ARFGAP2: variants seen among roughly 807,000 people sequenced by gnomAD.
ARFGAP2 encodes ARF GTPase activating protein 2, also known as ADP-ribosylation factor GTPase-activating protein 2.
In ARFGAP2, 45 loss-of-function variants were observed where a neutral mutation model predicts 71.9. The ratio of observed to expected loss-of-function variants is 0.63; its 90% CI spans 0.49 to 0.80. The LOEUF (loss-of-function observed/expected upper bound fraction) is 0.80, where lower values mean the gene tolerates loss of function less well. ARFGAP2 is among the 30% of genes least tolerant of loss of function. The probability of loss-of-function intolerance (pLI) is 0.00; values close to 1 mark genes in which losing one functional copy is unlikely to be tolerated. For missense variants in ARFGAP2, 633 were observed against 673.9 expected (o/e 0.94, Z 0.67); for synonymous variants, 248 against 249.2 (o/e 1.00, Z 0.05).
At position 47,172,202 on chromosome 11, in the gene ARFGAP2, G is replaced by A. The variant is rs564428301; in HGVS notation, c.672+79C>T. 2.0e-5 allele frequency: 28 copies of A among 1,387,388 alleles called. 2 individuals carry two copies. In the South Asian group the frequency reaches 3.2e-4, roughly 16 times the overall value. 85.9% of individuals were successfully genotyped at this position (1,387,388 alleles called of 1,614,324 possible). A position where few individuals can be genotyped will look rare whatever the true frequency, so the allele number is the denominator to read the frequency against. On this transcript the variant is annotated intron_variant, in intron 8 of 15. Transcript: ENST00000524782. ...TTTGCCAAAGTCATATAGCTGGTAA[G>A]TGGTAAGGTCAAGGAGTGAACCCAG...
At chr11:47,174,841 TTA>T (rs1423945210) in intron 5 of ARFGAP2, 172 bp downstream of exon 5, 1 of 700,222 alleles carries the variant, frequency 1.4e-6, no homozygotes, top group Non-Finnish European at 2.5e-6. Flanking sequence ...GCACCTCCAT[TTA>T]TGGAGGAGGA....
chr11:47,166,415 G>A (rs1430322853), intron 14 of ARFGAP2, 29 bp from the exon 15 acceptor site: 5 of 1,612,318 alleles, frequency 3.1e-6, no homozygotes, highest in Non-Finnish European at 4.2e-6. Context: ...GTGACCCAGA[G>A]CCCAGCAAGA....
intron 15 of ARFGAP2, among the ~76,000 whole-genome samples, chr11:47,165,861 T>C (rs980060474): frequency 7.7e-4 from 117 of 151,842 alleles, no homozygotes; most frequent in African/African-American, 2.4e-3. Context: ...CTCTAGACTC[T>C]TGCTTTTTCG....
chr11:47,175,771 G>A (rs1490620356), intron 3 of ARFGAP2, 80 bp downstream of exon 3: 23 of 1,545,698 alleles, frequency 1.5e-5, no homozygotes, highest in East Asian at 2.2e-5. Flanking sequence ...CAGGGAAAAC[G>A]ACAGGGCCTC....
chr11:47,172,746 C>T (rs978934348), intron 7 of ARFGAP2: 9 of 1,293,816 alleles, frequency 7.0e-6, no homozygotes, highest in African/African-American at 1.5e-5. Context: ...GACAGATACA[C>T]GGACTCTGGA....
Position 47,165,465 on chromosome 11 carries a change from G to C in ARFGAP2, c.*17C>G. 6.4e-7 allele frequency: 1 copy of C among 1,570,406 alleles called. No individual in the cohort carries two copies. Among genetic ancestry groups the C allele is most frequent in the Non-Finnish European group, 8.6e-7 (1 of 1,157,532 alleles). ...TTGTTGCCGTCACCATCGTAAGCCT[G>C]AGTCACAGAGCTCGGATCAGTAGGA... On this transcript the variant is annotated 3_prime_UTR_variant, in exon 16 of 16. Transcript: ENST00000524782.
rs775738879 is a variant in ARFGAP2 at position 47,168,130 on chromosome 11, G to T, written c.1063C>A (p.Pro355Thr). 6.2e-7 allele frequency: 1 copy of T among 1,614,246 alleles called. No homozygotes were observed. Among genetic ancestry groups the T allele is most frequent in the Non-Finnish European group, 8.5e-7 (1 of 1,180,046 alleles). The change falls in exon 11 of 16, where the codon CCC (proline) becomes ACC (threonine). Residue 355 changes from proline to threonine, a missense_variant. Coordinates refer to ENST00000524782, the MANE Select transcript of ARFGAP2 (RefSeq NM_032389.6). ...FDDVGTFASG[P>T]PKYKDNPFSL... Reference sequence around the variant, plus strand: ...GCTAGAAAACAGCCTTACTTTGGGGGTCCAGAGGCGAAAGTACCAACATCG... The same window carrying T: ...GCTAGAAAACAGCCTTACTTTGGGGTTCCAGAGGCGAAAGTACCAACATCG...
In ARFGAP2 at chr11:47,176,776, A is replaced by T; in HGVS notation, c.72+6T>A. 6.2e-7 allele frequency: 1 copy of T among 1,614,028 alleles called. No homozygotes were observed. The highest frequency in any genetic ancestry group is 8.5e-7 in the Non-Finnish European group (1 of 1,180,002). On this transcript the variant is annotated splice_donor_region_variant and intron_variant, in intron 1 of 15. Coordinates refer to ENST00000524782, the MANE Select transcript of ARFGAP2 (RefSeq NM_032389.6). Reference sequence around the variant, plus strand: ...GAGAGACTCCGCGCGCCCCCTGCTCACGCACCTTGTTGGTTGGAACTGCGC... The same window carrying T: ...GAGAGACTCCGCGCGCCCCCTGCTCTCGCACCTTGTTGGTTGGAACTGCGC...
intron 5 of ARFGAP2, 174 bp from the exon 6 acceptor site, chr11:47,174,014 G>A (rs558347706): frequency 1.6e-6 from 2 of 1,284,298 alleles, no homozygotes; most frequent in African/African-American, 1.5e-5. Context: ...AAAGCAGGAA[G>A]ACAAGCAGCC....
intron 7 of ARFGAP2, chr11:47,173,032 G>A: frequency 2.8e-6 from 1 of 359,482 alleles, no homozygotes; most frequent in Non-Finnish European, 5.4e-6. Context: ...TACTGGCTGA[G>A]AAAGAACAAT....
rs1759460176 is a variant in ARFGAP2, at chr11:47,168,012, T to C, written c.1102A>G (p.Ser368Gly). The C allele has an allele frequency of 1.2e-6, 2 of 1,614,176 alleles. No homozygotes were observed. Among genetic ancestry groups the C allele is most frequent in the Non-Finnish European group, 1.7e-6 (2 of 1,180,032 alleles). The change falls in exon 12 of 16, where the codon AGC becomes GGC. Residue 368 changes from serine to glycine, a missense_variant. Coordinates refer to ENST00000524782, the MANE Select transcript of ARFGAP2 (RefSeq NM_032389.6). ...YKDNPFSLGE[S>G]FGSRWDTDAA... ...TCTGTATCCCAGCGGGAGCCAAAGC[T>C]TTCCCCTAAGGAAAAGGGATTGTCC... is the stretch of plus-strand genomic sequence containing the variant.
At chr11:47,173,380 T>C (rs763774416) in intron 7 of ARFGAP2, 46 bp downstream of exon 7, 7 of 1,550,010 alleles carry the variant, frequency 4.5e-6, no homozygotes, top group Middle Eastern at 1.7e-4. Flanking sequence ...ACATTTGAGG[T>C]CCACCCTCTC....
intron 5 of ARFGAP2, 62 bp downstream of exon 5, chr11:47,174,953 C>A: frequency 6.4e-7 from 1 of 1,553,096 alleles, no homozygotes; most frequent in Non-Finnish European, 8.9e-7. Flanking sequence ...CACAGAAGGC[C>A]TGGGCCTTGG....
At chr11:47,174,937 C>G in intron 5 of ARFGAP2, 78 bp downstream of exon 5, 1 of 1,466,664 alleles carries the variant, frequency 6.8e-7, no homozygotes, top group Non-Finnish European at 9.5e-7. Context: ...AATCTACAAC[C>G]ATGATCACAG....
intron 5 of ARFGAP2, 33 bp downstream of exon 5, chr11:47,174,979 GAAC>G (rs774904159): frequency 6.2e-7 from 1 of 1,609,078 alleles, no homozygotes; most frequent in African/African-American, 1.3e-5. Context: ...TGCCTGTCAA[GAAC>G]AACTGGGAAA....
intron 3 of ARFGAP2, 123 bp from the exon 4 acceptor site, chr11:47,175,436 C>A (rs767255884): frequency 2.1e-6 from 3 of 1,431,276 alleles, no homozygotes; most frequent in Non-Finnish European, 2.0e-6. Flanking sequence ...ATACACGCTA[C>A]TGACACCGGT....
intron 3 of ARFGAP2, chr11:47,175,533 T>C: frequency 1.4e-6 from 1 of 706,212 alleles, no homozygotes; most frequent in Non-Finnish European, 2.4e-6. Context: ...CAGGCCCCAC[T>C]GAACGCTGCC....
chr11:47,172,624 AG>A, intron 7 of ARFGAP2: 1 of 1,316,238 alleles, frequency 7.6e-7, no homozygotes. Context: ...ACTGCGAGGC[AG>A]GGAGCATATG....
Position 47,176,802 on chromosome 11 carries a change from G to C in ARFGAP2, c.52C>G (p.Arg18Gly). Residue 18 changes from arginine (R) to glycine (G), a missense_variant, in exon 1 of 16, where the codon CGC becomes GGC. Physicochemically the swap from Arg to Gly is moderately radical, Grantham distance 125 (BLOSUM62 -2). Coordinates refer to ENST00000524782, the MANE Select transcript of ARFGAP2 (RefSeq NM_032389.6). ...CGCACCTTGTTGGTTGGAACTGCGC[G>C]AAGCCTCTTAAAAAGAGTCTGGATT... ...TEIQTLFKRL[R>G]AVPTNKACFD... is the part of the protein sequence containing the mutation. 4 of 1,614,124 alleles carry C rather than the reference G, an allele frequency of 2.5e-6. No homozygotes were observed. The highest frequency in any genetic ancestry group is 3.4e-6 in the Non-Finnish European group (4 of 1,180,030).
Sources: allele counts gnomAD v4.1 joint callset (sites outside exome capture counted in the v4.1 genomes callset), GRCh38; gene constraint gnomAD v4.1.1; transcripts MANE v1.5; gene names NCBI Gene and HGNC (gene_info 2026-07-23, HGNC 2026-07-21).